CABCOCO1: variants seen among roughly 807,000 people sequenced by gnomAD.
The protein encoded by CABCOCO1 is ciliary associated calcium binding coiled-coil 1.
In CABCOCO1, 28 loss-of-function variants were observed where a neutral mutation model predicts 35.7. That is an observed-to-expected ratio of 0.78 (90% CI 0.58 to 1.07). CABCOCO1 has a LOEUF of 1.07. Among genes scored for constraint, CABCOCO1 ranks in the 50% least tolerant of loss-of-function variants. The pLI, the probability that CABCOCO1 is intolerant of heterozygous loss-of-function variation, is 0.00. For synonymous variants in CABCOCO1, 95 were observed against 100.1 expected (o/e 0.95, Z 0.30); for missense variants, 326 against 309.2 (o/e 1.05, Z -0.41).
chr10:61,677,143 G>A (rs890282489), intron 2 of CABCOCO1, among the ~76,000 whole-genome samples: 6 of 151,980 alleles, frequency 3.9e-5, no homozygotes, highest in Admixed American at 1.3e-4. Flanking sequence ...AAAATCCAAC[G>A]TAGATTGGAG....
intron 5 of CABCOCO1, among the ~76,000 whole-genome samples, chr10:61,744,023 G>C (rs569977011): frequency 3.6e-4 from 55 of 152,266 alleles, no homozygotes; most frequent in Non-Finnish European, 6.6e-4. Context: ...CAGAGCCTTT[G>C]TGTTGTTTGT....
At chr10:61,717,110 A>G (rs1478053714) in intron 5 of CABCOCO1, among the ~76,000 whole-genome samples, 1 of 152,190 alleles carries the variant, frequency 6.6e-6, no homozygotes, top group Non-Finnish European at 1.5e-5. Flanking sequence ...TTTTGAAGAA[A>G]AGGAAAAAAT....
chr10:61,667,141 T>C (rs1224561115), intron 1 of CABCOCO1, among the ~76,000 whole-genome samples: 2 of 144,832 alleles, frequency 1.4e-5, no homozygotes, highest in Non-Finnish European at 3.0e-5. Context: ...ATTTCATATG[T>C]ATATATAAAT....
intron 7 of CABCOCO1, 80 bp from the exon 8 acceptor site, chr10:61,765,859 T>C (rs1252008326): frequency 3.5e-5 from 46 of 1,298,556 alleles, no homozygotes; most frequent in Admixed American, 7.2e-5. Flanking sequence ...TTAGGCACTA[T>C]AGTATGTCAA....
Position 61,723,403 on chromosome 10 carries a change from A to G in CABCOCO1, c.552+32782A>G, listed in dbSNP as rs74156252. 1.6e-3 allele frequency among the ~76,000 whole-genome samples: 241 copies of G among 152,358 alleles called. 2 individuals carry two copies. The highest frequency in any genetic ancestry group is 0.014 in the Middle Eastern group (4 of 294). ...ATGAAATACTAGAAGCATTCCCATT[A>G]AAAATGATGCTAAGACAAGGTCCTA... On this transcript the variant is annotated intron_variant, in intron 5 of 7. Transcript: ENST00000648843.
At chr10:61,709,693 T>A (rs1261131699) in intron 5 of CABCOCO1, among the ~76,000 whole-genome samples, 30 of 145,760 alleles carry the variant, frequency 2.1e-4, no homozygotes, top group African/African-American at 3.7e-4. Context: ...CCCTCAAATT[T>A]AAAAAAAAAA....
chr10:61,744,194 G>C (rs1240932953), intron 5 of CABCOCO1, among the ~76,000 whole-genome samples: 1 of 152,086 alleles, frequency 6.6e-6, no homozygotes, highest in Non-Finnish European at 1.5e-5. Flanking sequence ...CTTAACTTTT[G>C]ACGATACACA....
At chr10:61,676,878 G>A (rs902170936) in intron 2 of CABCOCO1, among the ~76,000 whole-genome samples, 31 of 151,848 alleles carry the variant, frequency 2.0e-4, no homozygotes, top group African/African-American at 6.5e-4. Flanking sequence ...TGGCTAACAC[G>A]GTGAAACCCC....
At chr10:61,680,317 A>AAT (rs1554821447) in intron 2 of CABCOCO1, among the ~76,000 whole-genome samples, 44 of 140,492 alleles carry the variant, frequency 3.1e-4, no homozygotes, top group East Asian at 2.2e-3. Flanking sequence ...TCTCAAAAAA[A>AAT]ATATATATAT....
At chr10:61,709,930 T>G (rs1390890806) in intron 5 of CABCOCO1, among the ~76,000 whole-genome samples, 1 of 151,944 alleles carries the variant, frequency 6.6e-6, no homozygotes, top group Non-Finnish European at 1.5e-5. Flanking sequence ...TCCAAAACTA[T>G]AAAATGAATT....
rs1411738872 is a variant in CABCOCO1 at position 61,684,645 on chromosome 10, C to T, written c.335-1396C>T. The stretch of plus-strand genomic sequence containing the variant: ...CCCCCAGATCCCACATTCAGGCCCC[C>T]CACTGACATTCATCTCCCCCAGGCG... On this transcript the variant is annotated intron_variant, in intron 3 of 7. Transcript: ENST00000648843. Among the ~76,000 whole-genome samples, 3 of 152,112 alleles carry T rather than the reference C, an allele frequency of 2.0e-5. No homozygotes were observed. In the East Asian group the frequency reaches 5.8e-4, roughly 29 times the overall value.
intron 5 of CABCOCO1, among the ~76,000 whole-genome samples, chr10:61,704,490 G>A (rs1312666463): frequency 1.3e-5 from 2 of 152,188 alleles, no homozygotes; most frequent in African/African-American, 4.8e-5. Context: ...GCCAGAGCCT[G>A]AGGCCCACCT....
chr10:61,721,610 G>A (rs560016010), intron 5 of CABCOCO1, among the ~76,000 whole-genome samples: 26 of 152,300 alleles, frequency 1.7e-4, no homozygotes, highest in African/African-American at 6.3e-4. Context: ...TGAAGTCACA[G>A]AGTACAGCAC....
chr10:61,691,479 T>C (rs1840138243), intron 5 of CABCOCO1, among the ~76,000 whole-genome samples: 1 of 152,170 alleles, frequency 6.6e-6, no homozygotes, highest in Non-Finnish European at 1.5e-5. Context: ...AACATGTTTT[T>C]ACTTTATTTT....
At chr10:61,727,067 C>T (rs566091614) in intron 5 of CABCOCO1, among the ~76,000 whole-genome samples, 3 of 151,236 alleles carry the variant, frequency 2.0e-5, no homozygotes, top group Non-Finnish European at 4.4e-5. Flanking sequence ...GCCACATACA[C>T]AAAAAAAATG....
intron 5 of CABCOCO1, chr10:61,701,751 T>C (rs981605400): frequency 4.0e-5 from 39 of 984,820 alleles, no homozygotes; most frequent in African/African-American, 5.2e-5. Flanking sequence ...CATTTGAAAG[T>C]GGACATTTTC....
intron 3 of CABCOCO1, among the ~76,000 whole-genome samples, chr10:61,681,598 G>A (rs749732386): frequency 2.0e-5 from 3 of 152,052 alleles, no homozygotes; most frequent in Non-Finnish European, 4.4e-5. Context: ...GGACTCTGTG[G>A]TATTCTTGTG....
chr10:61,687,750 T>G (rs1039107522), intron 4 of CABCOCO1, among the ~76,000 whole-genome samples: 6 of 152,196 alleles, frequency 3.9e-5, no homozygotes, highest in Admixed American at 3.9e-4. Flanking sequence ...AAATCCCTAA[T>G]ATTATTACTT....
chr10:61,688,161 G>GA lies in CABCOCO1; in HGVS notation c.479+1984dup, dbSNP rs374992920. Among the ~76,000 whole-genome samples, 21 of 151,374 alleles carry GA rather than the reference G, an allele frequency of 1.4e-4. 1 individual carries two copies. In the Middle Eastern group the frequency reaches 0.01, roughly 74 times the overall value. ...GTACCCTTAAAGTTAAAAGTTGAAG[G>GA]AAAAAAAACAGTTTAATGACAATGA... On this transcript the variant is annotated intron_variant, in intron 4 of 7. Coordinates refer to ENST00000648843, the MANE Select transcript of CABCOCO1 (RefSeq NM_001366906.2).
Sources: allele counts gnomAD v4.1 joint callset (sites outside exome capture counted in the v4.1 genomes callset), GRCh38; gene constraint gnomAD v4.1.1; transcripts MANE v1.5; gene names NCBI Gene and HGNC (gene_info 2026-07-23, HGNC 2026-07-21).